Variants in SCUBE3 observed in about 807,000 individuals in gnomAD.
The protein encoded by SCUBE3 is signal peptide, CUB domain and EGF like domain containing 3, also known as signal peptide, CUB and EGF-like domain-containing protein 3.
Under a neutral mutation model 116.8 loss-of-function variants are expected in SCUBE3, and 33 were observed. The ratio of observed to expected loss-of-function variants is 0.28; its 90% CI spans 0.21 to 0.38. The LOEUF (loss-of-function observed/expected upper bound fraction) is 0.38. SCUBE3 is among the 10% of genes least tolerant of loss of function. The pLI is 1.00. For synonymous variants in SCUBE3, 418 were observed against 496.9 expected (o/e 0.84, Z 2.11); for missense variants, 1,007 against 1,324.8 (o/e 0.76, Z 3.72).
chr6:35,236,405 T>A (rs1296946892), intron 6 of SCUBE3, among the ~76,000 whole-genome samples: 1 of 152,154 alleles, frequency 6.6e-6, no homozygotes, highest in Non-Finnish European at 1.5e-5. Flanking sequence ...TCTGTGCCCC[T>A]CCCCCTGCTC....
chr6:35,221,486 G>A (rs1783115269), intron 1 of SCUBE3: 1 of 152,232 alleles, frequency 6.6e-6, no homozygotes, highest in South Asian at 2.1e-4. Context: ...CACAGATAGA[G>A]ACATTATCCA....
At position 35,239,757 on chromosome 6, in the gene SCUBE3, G is replaced by A. The variant is rs1404886599; in HGVS notation, c.835G>A (p.Asp279Asn). Residue 279 changes from aspartate (D) to asparagine (N), a missense_variant, in exon 8 of 22, where the codon GAT (aspartate) becomes AAT (asparagine). Physicochemically the swap from Asp to Asn is conservative, Grantham distance 23. Coordinates refer to ENST00000274938, the MANE Select transcript of SCUBE3 (RefSeq NM_152753.4). This position sits in a 1 kb window ranked among gnomAD's most constrained non-coding sequence, Gnocchi z 4.1. ...QPDRKTCKDI[D>N]ECRLNNGGCD... ...GTTTTGTCCTCCTTCTTCAGATATA[G>A]ATGAGTGCCGCTTAAACAACGGGGG... 1.9e-6 allele frequency: 3 copies of A among 1,611,746 alleles called. No homozygotes were observed. Among genetic ancestry groups the A allele is most frequent in the South Asian group, 2.2e-5 (2 of 90,490 alleles).
Position 35,240,306 on chromosome 6 carries a change from G to A in SCUBE3, c.953-68G>A. 1.1e-6 allele frequency: 1 copy of A among 883,636 alleles called. No homozygotes were observed. The highest frequency in any genetic ancestry group is 1.8e-6 in the Non-Finnish European group (1 of 569,668). 54.7% of individuals were successfully genotyped at this position (883,636 alleles called of 1,614,324 possible). A position where few individuals can be genotyped will look rare whatever the true frequency, so the allele number is the denominator to read the frequency against. On this transcript the variant is annotated intron_variant, in intron 8 of 21. Transcript: ENST00000274938. This position sits in a 1 kb window ranked among gnomAD's most constrained non-coding sequence, Gnocchi z 4.6. ...GGGAAAGCCAAGGCCCCTCACTTGG[G>A]TCCTTCACCTGAGCAAGGGTCAAGT...
In SCUBE3 at chr6:35,248,737, GC is replaced by G; in HGVS notation, c.*37del. The stretch of plus-strand genomic sequence containing the variant: ...TAGGCTCAGAGACCCAATTTTTTAA[GC>G]CCCCAGACTCCTTAGCCCTCAGAGC... On this transcript the variant is annotated 3_prime_UTR_variant, in exon 22 of 22. Transcript: ENST00000274938. 1 of 1,604,212 alleles carries G rather than the reference GC, an allele frequency of 6.2e-7. No homozygotes were observed. The highest frequency in any genetic ancestry group is 8.5e-7 in the Non-Finnish European group (1 of 1,172,638).
rs1174703279 is a variant in SCUBE3 at position 35,235,278 on chromosome 6, CAGGATA to C, written c.712+1983_712+1988del. Among the ~76,000 whole-genome samples, 2 of 151,714 alleles carry C rather than the reference CAGGATA, an allele frequency of 1.3e-5. No individual in the cohort carries two copies. Among genetic ancestry groups the C allele is most frequent in the Non-Finnish European group, 2.9e-5 (2 of 68,000 alleles). On this transcript the variant is annotated intron_variant, in intron 6 of 21. Coordinates refer to ENST00000274938, the MANE Select transcript of SCUBE3 (RefSeq NM_152753.4). The surrounding 1 kb of genome is among the most constrained non-coding windows in gnomAD (Gnocchi z 4.5). ...TGGCATCTTTGGGGATACCACCAGA[CAGGATA>C]AGGATGAGGAGTGAAGCTGTCATAA...
At position 35,240,670 on chromosome 6, in the gene SCUBE3, C is replaced by T. The variant is rs369846266; in HGVS notation, c.1069+180C>T. Among the ~76,000 whole-genome samples, 25 of 152,170 alleles carry T rather than the reference C, an allele frequency of 1.6e-4. No individual in the cohort carries two copies. The highest frequency in any genetic ancestry group is 1.5e-3 in the Admixed American group (23 of 15,286). On this transcript the variant is annotated intron_variant, in intron 9 of 21. Transcript: ENST00000274938. This position sits in a 1 kb window ranked among gnomAD's most constrained non-coding sequence, Gnocchi z 4.6. Reference sequence around the variant, plus strand: ...CAGCTTTTGAAGAACTGGGAGACTGCGGAAACAGCATCCTGCCTCCAAAAT... The same window carrying T: ...CAGCTTTTGAAGAACTGGGAGACTGTGGAAACAGCATCCTGCCTCCAAAAT...
chr6:35,246,856 G>A (rs901448518), intron 21 of SCUBE3, among the ~76,000 whole-genome samples: 3 of 152,092 alleles, frequency 2.0e-5, no homozygotes, highest in Non-Finnish European at 2.9e-5. Flanking sequence ...GCAGGCGCCT[G>A]TAATCCCAGC....
At chr6:35,227,357 G>A (rs1343473609) in intron 1 of SCUBE3, among the ~76,000 whole-genome samples, 3 of 152,190 alleles carry the variant, frequency 2.0e-5, no homozygotes, top group African/African-American at 4.8e-5. Flanking sequence ...AGCTGTCACT[G>A]TGAATTTAGT....
rs1331862025 is a variant in SCUBE3 at position 35,241,841 on chromosome 6, C to T, written c.1348C>T (p.Pro450Ser). The T allele has an allele frequency of 6.8e-6, 11 of 1,613,100 alleles. No individual in the cohort carries two copies. Among genetic ancestry groups the T allele is most frequent in the African/African-American group, 4.0e-5 (3 of 74,928 alleles). The change falls in exon 12 of 22, where the codon CCC becomes TCC. Residue 450 changes from proline (P) to serine (S), a missense_variant. Transcript: ENST00000274938. The surrounding 1 kb of genome is among the most constrained non-coding windows in gnomAD (Gnocchi z 4.1). ...ENGFTVSCGT[P>S]SPRAAPARAG... is the part of the protein sequence containing the mutation. ...TGGCTTCACGGTGAGCTGTGGGACC[C>T]CCAGCCCCAGGGCTGCTCCAGCCCG...
At position 35,243,945 on chromosome 6, in the gene SCUBE3, G is replaced by A. The variant is rs775819883; in HGVS notation, c.2072-18G>A. The A allele has an allele frequency of 2.5e-6, 4 of 1,611,392 alleles. No homozygotes were observed. The highest frequency in any genetic ancestry group is 1.3e-5 in the African/African-American group (1 of 74,992). ...TCAGGACCATCCCCATCAGAGTTGG[G>A]CCCTTGATTCATTGCAGGTCAGTGC... On this transcript the variant is annotated intron_variant, in intron 16 of 21. Transcript: ENST00000274938. The surrounding 1 kb of genome is among the most constrained non-coding windows in gnomAD (Gnocchi z 6.6).
At chr6:35,246,357 G>T (rs1453527195) in intron 21 of SCUBE3, 72 bp downstream of exon 21, 32 of 1,066,256 alleles carry the variant, frequency 3.0e-5, no homozygotes, top group Non-Finnish European at 4.5e-5. Context: ...AATAGGCTAA[G>T]TGCTTACATG....
rs755066420 is a variant in SCUBE3, at chr6:35,241,703, GGAA to G, written c.1312+46_1312+48del. The G allele has an allele frequency of 2.0e-6, 3 of 1,529,386 alleles. No individual in the cohort carries two copies. Among genetic ancestry groups the G allele is most frequent in the Non-Finnish European group, 2.7e-6 (3 of 1,102,608 alleles). The allele number at this position is 1,529,386 out of a possible 1,614,324, so 94.7% of individuals were successfully genotyped here. A position where few individuals can be genotyped will look rare whatever the true frequency, so the allele number is the denominator to read the frequency against. ...CTGGAGAGCTTTGGAGGAGAAAAGA[GGAA>G]GGACTGGCCGTTCAGGCAGCTCCTT... is the stretch of plus-strand genomic sequence containing the variant. On this transcript the variant is annotated intron_variant, in intron 11 of 21. Coordinates refer to ENST00000274938, the MANE Select transcript of SCUBE3 (RefSeq NM_152753.4). This position sits in a 1 kb window ranked among gnomAD's most constrained non-coding sequence, Gnocchi z 4.1.
At chr6:35,236,335 C>G (rs1783769740) in intron 6 of SCUBE3, among the ~76,000 whole-genome samples, 1 of 152,210 alleles carries the variant, frequency 6.6e-6, no homozygotes, top group Admixed American at 6.5e-5. Flanking sequence ...GGACATTGTG[C>G]CAGCTCTGCT....
Position 35,228,339 on chromosome 6 carries a change from T to G in SCUBE3, c.209-275T>G, listed in dbSNP as rs1272928065. Among the ~76,000 whole-genome samples, 25 of 152,216 alleles carry G rather than the reference T, an allele frequency of 1.6e-4. No homozygotes were observed. Among genetic ancestry groups the G allele is most frequent in the Admixed American group, 1.6e-3 (25 of 15,294 alleles). On this transcript the variant is annotated intron_variant, in intron 2 of 21. Coordinates refer to ENST00000274938, the MANE Select transcript of SCUBE3 (RefSeq NM_152753.4). The surrounding 1 kb of genome is among the most constrained non-coding windows in gnomAD (Gnocchi z 4.9). ...GGAGAAGATGTTCTTTGATGCATTA[T>G]CTATGATGGTAAAATAAATTAAAGA...
chr6:35,230,595 A>T (rs1268596128), intron 3 of SCUBE3, among the ~76,000 whole-genome samples: 1 of 152,210 alleles, frequency 6.6e-6, no homozygotes, highest in Non-Finnish European at 1.5e-5. Context: ...TGGCAAGAGC[A>T]GGAAGACAGG....
chr6:35,234,921 C>G (rs1046035673), intron 6 of SCUBE3, among the ~76,000 whole-genome samples: 6 of 152,232 alleles, frequency 3.9e-5, no homozygotes, highest in Admixed American at 6.5e-5. Flanking sequence ...TGAGGCTATT[C>G]TGGGGTTTAC....
At chr6:35,246,329 A>G (rs754345039) in intron 21 of SCUBE3, 44 bp downstream of exon 21, 13 of 1,369,880 alleles carry the variant, frequency 9.5e-6, no homozygotes, top group Non-Finnish European at 1.4e-5. Flanking sequence ...TTTAATAAGC[A>G]TGTAACAATA....
chr6:35,245,171 A>G lies in SCUBE3; in HGVS notation c.2402-57A>G. On this transcript the variant is annotated intron_variant, in intron 18 of 21. Transcript: ENST00000274938. The surrounding 1 kb of genome is among the most constrained non-coding windows in gnomAD (Gnocchi z 4.2). ...CAGAACTCTTCAATTCCCCCAGCAC[A>G]CTTCCCCACTGACTTCCCTTCTCTG... 1 of 1,504,168 alleles carries G rather than the reference A, an allele frequency of 6.6e-7. No individual in the cohort carries two copies. The highest frequency in any genetic ancestry group is 1.7e-5 in the Admixed American group (1 of 59,770). 93.2% of individuals were successfully genotyped at this position (1,504,168 alleles called of 1,614,324 possible). A position where few individuals can be genotyped will look rare whatever the true frequency, so the allele number is the denominator to read the frequency against.
At position 35,241,975 on chromosome 6, in the gene SCUBE3, C is replaced by A; in HGVS notation, c.1417+65C>A. ...CTTACATTAATCCCTTATTTTTGTT[C>A]TTCATCAATCCCCTGGCCTTCCTTT... is the stretch of plus-strand genomic sequence containing the variant. On this transcript the variant is annotated intron_variant, in intron 12 of 21. Transcript: ENST00000274938. This position sits in a 1 kb window ranked among gnomAD's most constrained non-coding sequence, Gnocchi z 4.1. 2 of 1,176,268 alleles carry A rather than the reference C, an allele frequency of 1.7e-6. No homozygotes were observed. The highest frequency in any genetic ancestry group is 2.5e-6 in the Non-Finnish European group (2 of 790,688). 72.9% of individuals were successfully genotyped at this position (1,176,268 alleles called of 1,614,324 possible).
Sources: gnomAD v4.1 joint callset for allele counts (sites outside exome capture counted in the v4.1 genomes callset) on GRCh38, gnomAD v4.1.1 for gene constraint, Gnocchi (gnomAD v3.1) non-coding constraint, MANE v1.5 for transcripts, NCBI Gene and HGNC (gene_info 2026-07-23, HGNC 2026-07-21) for gene names.